Variants in TRAPPC9 observed in about 807,000 individuals in gnomAD.
The protein encoded by TRAPPC9 is IKK2 binding protein.
A neutral mutation model predicts 124.0 loss-of-function variants in TRAPPC9; 83 were observed. The ratio of observed to expected loss-of-function variants is 0.67; its 90% CI spans 0.56 to 0.80. The LOEUF is 0.80. Ranked by LOEUF, TRAPPC9 falls within the 30% of genes least tolerant of loss-of-function variation. The pLI, the probability that TRAPPC9 is intolerant of heterozygous loss-of-function variation, is 0.00. For missense variants in TRAPPC9, 1,302 were observed against 1,508.3 expected (o/e 0.86, Z 2.27); for synonymous variants, 638 against 617.5 (o/e 1.03, Z -0.49).
chr8:140,445,508 G>A (rs571453105), intron 2 of TRAPPC9, among the ~76,000 whole-genome samples: 2 of 152,270 alleles, frequency 1.3e-5, no homozygotes, highest in Admixed American at 6.5e-5. Context: ...TGAACTCCGA[G>A]ACTCGGCTGC....
chr8:140,424,915 A>G (rs867829570), intron 5 of TRAPPC9, among the ~76,000 whole-genome samples: 1 of 152,200 alleles, frequency 6.6e-6, no homozygotes, highest in Non-Finnish European at 1.5e-5. Context: ...AAAACTCAAA[A>G]ATCAAATGAA....
chr8:139,953,689 G>A (rs1283163898), intron 19 of TRAPPC9, among the ~76,000 whole-genome samples: 4 of 152,068 alleles, frequency 2.6e-5, no homozygotes, highest in African/African-American at 9.7e-5. Context: ...AGTATGTGAC[G>A]ATCTCAAAAT....
intron 9 of TRAPPC9, among the ~76,000 whole-genome samples, chr8:140,324,510 T>G (rs2066687632): frequency 6.6e-6 from 1 of 152,132 alleles, no homozygotes; most frequent in Non-Finnish European, 1.5e-5. Flanking sequence ...GTGGCTCACA[T>G]CTGTAATCCC....
rs188442018 is a variant in TRAPPC9, at chr8:139,859,263, C to T, written c.3055+26616G>A. Among the ~76,000 whole-genome samples the T allele has an allele frequency of 4.6e-5, 7 of 152,068 alleles. No individual in the cohort carries two copies. The East Asian group carries it at 1.4e-3, about 29-fold the overall frequency. ...TCTCTCCGTTCCTGGACTCCTGGCT[C>T]GCAGCACCCAGGAGCTTTTAGGCCG... On this transcript the variant is annotated intron_variant, in intron 21 of 22. Transcript: ENST00000438773.
chr8:140,193,622 G>GAAAA (rs72383095), intron 17 of TRAPPC9, among the ~76,000 whole-genome samples: 7 of 77,302 alleles, frequency 9.1e-5, no homozygotes, highest in East Asian at 5.0e-4. Flanking sequence ...TGTACTTTCA[G>GAAAA]AAAAAAAAAA....
intron 18 of TRAPPC9, among the ~76,000 whole-genome samples, chr8:140,018,145 C>G (rs1839591318): frequency 6.6e-6 from 1 of 151,374 alleles, no homozygotes; most frequent in Non-Finnish European, 1.5e-5. Context: ...GCCCAGCCAC[C>G]TCTCTAATTA....
In TRAPPC9 at chr8:140,287,814, G is replaced by A. The variant is rs901018591; in HGVS notation, c.1855-80C>T. 1.6e-5 allele frequency: 25 copies of A among 1,587,638 alleles called. No homozygotes were observed. The South Asian group carries it at 2.5e-4, about 16-fold the overall frequency. ...AGTTCCAAATGAGCCTTAAGACATT[G>A]GCTATGGCACATCGGAACTGCTGGA... On this transcript the variant is annotated intron_variant, in intron 12 of 22. Transcript: ENST00000438773.
intron 17 of TRAPPC9, among the ~76,000 whole-genome samples, chr8:140,184,579 G>A (rs2062309244): frequency 6.6e-6 from 1 of 152,126 alleles, no homozygotes. Context: ...GGGATTACAG[G>A]AGTAAGCCAC....
At chr8:140,037,426 A>G (rs1361108674) in intron 17 of TRAPPC9, among the ~76,000 whole-genome samples, 1 of 152,150 alleles carries the variant, frequency 6.6e-6, no homozygotes, top group Non-Finnish European at 1.5e-5. Context: ...TAGAGCCAAG[A>G]ATAAAGAAAC....
At chr8:139,976,043 C>T (rs1836436320) in intron 19 of TRAPPC9, among the ~76,000 whole-genome samples, 1 of 151,682 alleles carries the variant, frequency 6.6e-6, no homozygotes, top group Non-Finnish European at 1.5e-5. Context: ...AGGCGCCCGC[C>T]ACCTCGCCCG....
chr8:139,979,062 G>A (rs1345719931), intron 19 of TRAPPC9, among the ~76,000 whole-genome samples: 1 of 152,146 alleles, frequency 6.6e-6, no homozygotes, highest in Non-Finnish European at 1.5e-5. Context: ...CTGGGGCGCC[G>A]TGGTTGACAG....
chr8:140,242,651 A>G (rs7002644), intron 16 of TRAPPC9, among the ~76,000 whole-genome samples: 9,520 of 152,312 alleles, frequency 0.063, 531 homozygotes, highest in African/African-American at 0.15. Flanking sequence ...GGAAATAGAC[A>G]TTTCAGAGTC....
intron 21 of TRAPPC9, among the ~76,000 whole-genome samples, chr8:139,739,337 C>G (rs995027586): frequency 6.6e-6 from 1 of 152,238 alleles, no homozygotes; most frequent in African/African-American, 2.4e-5. Context: ...TCTGCACGAC[C>G]ACAGCTCTAG....
chr8:139,991,674 C>T (rs898396602), intron 18 of TRAPPC9, among the ~76,000 whole-genome samples: 1 of 151,524 alleles, frequency 6.6e-6, no homozygotes, highest in Non-Finnish European at 1.5e-5. Context: ...AGGCGAGTCT[C>T]TGAAGGGGAC....
chr8:140,418,466 A>T (rs2132501602), intron 5 of TRAPPC9, among the ~76,000 whole-genome samples: 1 of 152,344 alleles, frequency 6.6e-6, no homozygotes, highest in African/African-American at 2.4e-5. Context: ...CACGCCTGTA[A>T]TCCCAGCACT....
chr8:140,124,917 C>T (rs1319324953), intron 17 of TRAPPC9, among the ~76,000 whole-genome samples: 1 of 152,172 alleles, frequency 6.6e-6, no homozygotes, highest in Non-Finnish European at 1.5e-5. Flanking sequence ...AAAAAGAAGA[C>T]CTTTGGGTTT....
chr8:139,802,430 TGGA>T (rs1489981511), intron 21 of TRAPPC9, among the ~76,000 whole-genome samples: 2 of 152,100 alleles, frequency 1.3e-5, no homozygotes, highest in African/African-American at 2.4e-5. Context: ...CCTGGGGCAG[TGGA>T]GGAGAAGTGC....
intron 17 of TRAPPC9, among the ~76,000 whole-genome samples, chr8:140,025,884 C>T (rs1840116755): frequency 6.6e-6 from 1 of 152,184 alleles, no homozygotes. Context: ...TCTAAGTACA[C>T]AGTTCAGTGG....
At chr8:139,997,331 C>T (rs1838070386) in intron 18 of TRAPPC9, among the ~76,000 whole-genome samples, 1 of 150,664 alleles carries the variant, frequency 6.6e-6, no homozygotes, top group Non-Finnish European at 1.5e-5. Context: ...AAAATACATC[C>T]TACACAGGGC....
Sources: gnomAD v4.1 joint callset for allele counts (sites outside exome capture counted in the v4.1 genomes callset) on GRCh38, gnomAD v4.1.1 for gene constraint, MANE v1.5 for transcripts, NCBI Gene and HGNC (gene_info 2026-07-23, HGNC 2026-07-21) for gene names.